The following CARF variants were observed in gnomAD, a reference collection of about 807,000 sequenced individuals.
The protein encoded by CARF is calcium-responsive transcription factor.
A neutral mutation model predicts 82.0 loss-of-function variants in CARF; 57 were observed. That is an observed-to-expected ratio of 0.70 (90% CI 0.56 to 0.87). The LOEUF (loss-of-function observed/expected upper bound fraction) is 0.87. CARF is among the 40% of genes least tolerant of loss of function. CARF has a pLI of 0.00. For synonymous variants in CARF, 268 were observed against 290.1 expected, an observed-to-expected ratio of 0.92 and a Z score of 0.77; for missense variants, 771 against 855.8, an observed-to-expected ratio of 0.90 and a Z score of 1.24.
At chr2:202,983,357 T>C (rs1455084156) in intron 16 of CARF, 149 bp from the exon 17 acceptor site, 1 of 598,754 alleles carries the variant, frequency 1.7e-6, no homozygotes, top group East Asian at 2.8e-5. Context: ...TGTTCTGGAT[T>C]GGGCACTTTT....
At chr2:202,945,075 C>T (rs190914166) in intron 5 of CARF, among the ~76,000 whole-genome samples, 2 of 152,246 alleles carry the variant, frequency 1.3e-5, no homozygotes, top group African/African-American at 4.8e-5. Flanking sequence ...AAAGAATTTT[C>T]TTCAAAGAAC....
chr2:202,966,923 T>G (rs2059577255), intron 9 of CARF, 55 bp from the exon 10 acceptor site: 1 of 1,532,282 alleles, frequency 6.5e-7, no homozygotes, highest in South Asian at 1.3e-5. Flanking sequence ...TTTAATCTAG[T>G]GTCTAGAATA....
At chr2:202,931,224 G>C (rs1162020038) in intron 3 of CARF, among the ~76,000 whole-genome samples, 1 of 152,008 alleles carries the variant, frequency 6.6e-6, no homozygotes, top group East Asian at 1.9e-4. Flanking sequence ...CGCCTGCCTT[G>C]GCCTCCCAAA....
intron 1 of CARF, among the ~76,000 whole-genome samples, chr2:202,917,246 T>C (rs1689901908): frequency 7.2e-6 from 1 of 139,156 alleles, no homozygotes; most frequent in Non-Finnish European, 1.5e-5. Flanking sequence ...AGCGCTGAGC[T>C]GCTAATTTTA....
intron 3 of CARF, chr2:202,925,231 G>T (rs529974688): frequency 1.1e-5 from 4 of 363,032 alleles, no homozygotes; most frequent in Non-Finnish European, 2.2e-5. Context: ...CATCAAGAAG[G>T]ATATGAATGT....
chr2:202,958,041 A>C (rs1448933501), intron 8 of CARF, among the ~76,000 whole-genome samples: 1 of 152,204 alleles, frequency 6.6e-6, no homozygotes, highest in Non-Finnish European at 1.5e-5. Flanking sequence ...TGCCTACTCT[A>C]TATACAAACC....
intron 5 of CARF, among the ~76,000 whole-genome samples, chr2:202,949,520 TTATTATTA>T (rs776412100): frequency 0.018 from 1,585 of 89,954 alleles, 11 homozygotes; most frequent in Middle Eastern, 0.061. Flanking sequence ...TATTTATTTA[TTATTATTA>T]TTATTATTAT....
intron 15 of CARF, 92 bp downstream of exon 15, chr2:202,981,777 C>A (rs2060273791): frequency 2.6e-6 from 3 of 1,162,372 alleles, no homozygotes; most frequent in Admixed American, 2.3e-5. Context: ...AGAATTGTTA[C>A]AGAATTATAA....
chr2:202,951,613 T>C (rs2058755783), intron 5 of CARF, among the ~76,000 whole-genome samples: 1 of 152,010 alleles, frequency 6.6e-6, no homozygotes, highest in Admixed American at 6.6e-5. Flanking sequence ...GGTCCAAAAG[T>C]TTTTCTTCAA....
In CARF at chr2:202,986,867, C is replaced by CGT. The variant is rs2060441919; in HGVS notation, c.*3244_*3245dup. 2 of 56,690 alleles carry CGT rather than the reference C, an allele frequency of 3.5e-5. No individual in the cohort carries two copies. The highest frequency in any genetic ancestry group is 6.6e-5 in the Non-Finnish European group (2 of 30,306). 3.5% of individuals were successfully genotyped at this position (56,690 alleles called of 1,614,324 possible). On this transcript the variant is annotated 3_prime_UTR_variant, in exon 17 of 17. Coordinates refer to ENST00000438828, the MANE Select transcript of CARF (RefSeq NM_024744.17). ...AAAAGAGGTTTAAAAAATGTCTGTG[C>CGT]GTATATATATATATATATATATATA...
At chr2:202,979,757 C>T (rs7579667) in intron 14 of CARF, among the ~76,000 whole-genome samples, 13,462 of 150,372 alleles carry the variant, frequency 0.09, 733 homozygotes, top group Non-Finnish European at 0.12. Flanking sequence ...GCCGAGATTG[C>T]GTCACTGCAC....
chr2:202,976,180 C>CT lies in CARF; in HGVS notation c.1495-1077dup, dbSNP rs574395605. ...TCTGTGGATATCAGTTTAACTCATA[C>CT]TTTTTTTTTTTTGAGACAGTCTCTC... On this transcript the variant is annotated intron_variant, in intron 13 of 16. Coordinates refer to ENST00000438828, the MANE Select transcript of CARF (RefSeq NM_024744.17). Among the ~76,000 whole-genome samples the CT allele has an allele frequency of 1.4e-3, 208 of 146,422 alleles. 4 individuals are homozygous for CT. In the South Asian group the frequency reaches 0.027, roughly 19 times the overall value.
At chr2:202,920,938 AAAT>A (rs1394062245) in intron 2 of CARF, among the ~76,000 whole-genome samples, 2 of 152,180 alleles carry the variant, frequency 1.3e-5, no homozygotes, top group Non-Finnish European at 2.9e-5. Flanking sequence ...GTCAGTCAAT[AAAT>A]AATAGTTAAA....
chr2:202,916,219 T>C (rs1689618674), intron 1 of CARF, among the ~76,000 whole-genome samples: 1 of 151,890 alleles, frequency 6.6e-6, no homozygotes, highest in South Asian at 2.1e-4. Context: ...TCTCACTCTG[T>C]CGCCAGGCTG....
chr2:202,927,905 A>G (rs72936879), intron 3 of CARF, among the ~76,000 whole-genome samples: 13,516 of 151,772 alleles, frequency 0.089, 739 homozygotes, highest in Non-Finnish European at 0.12. Flanking sequence ...GGTTCAAGCA[A>G]TCCTCACCTA....
At chr2:202,949,007 C>CT (rs2058632369) in intron 5 of CARF, among the ~76,000 whole-genome samples, 1 of 151,976 alleles carries the variant, frequency 6.6e-6, no homozygotes. Flanking sequence ...TCTTGTTTTT[C>CT]TTAATTTATT....
At chr2:202,939,782 G>A (rs1402916146) in intron 3 of CARF, among the ~76,000 whole-genome samples, 4 of 142,102 alleles carry the variant, frequency 2.8e-5, no homozygotes, top group Non-Finnish European at 6.0e-5. Context: ...TCAGACTCCT[G>A]AACTCAAGAG....
chr2:202,985,191 T>C lies in CARF; in HGVS notation c.*1567T>C, dbSNP rs2060395122. 6.6e-6 allele frequency: 1 copy of C among 152,104 alleles called. No individual in the cohort carries two copies. The allele number at this position is 152,104 out of a possible 1,614,324, so 9.4% of individuals were successfully genotyped here. ...TAAAAATAAAGATTTTAAATGGATA[T>C]CAATGTTTAATATTCAAAACATGCA... is the stretch of plus-strand genomic sequence containing the variant. On this transcript the variant is annotated 3_prime_UTR_variant, in exon 17 of 17. Transcript: ENST00000438828.
At chr2:202,939,157 C>T (rs912149391) in intron 3 of CARF, among the ~76,000 whole-genome samples, 2 of 152,074 alleles carry the variant, frequency 1.3e-5, no homozygotes, top group African/African-American at 2.4e-5. Flanking sequence ...AAAAGTAAGG[C>T]TTCGTTTATC....
Sources: allele counts gnomAD v4.1 joint callset (sites outside exome capture counted in the v4.1 genomes callset), GRCh38; gene constraint gnomAD v4.1.1; transcripts MANE v1.5; gene names NCBI Gene and HGNC (gene_info 2026-07-23, HGNC 2026-07-21).